Variants in TBC1D1 observed in about 807,000 individuals in gnomAD.
TBC1D1 encodes TBC1 domain family member 1.
A neutral mutation model predicts 125.6 loss-of-function variants in TBC1D1; 89 were observed. The ratio of observed to expected loss-of-function variants is 0.71; its 90% confidence interval spans 0.60 to 0.85. The LOEUF (loss-of-function observed/expected upper bound fraction) is 0.85. Among genes scored for constraint, TBC1D1 ranks in the 40% least tolerant of loss-of-function variants. TBC1D1 has a pLI of 0.00. For synonymous variants in TBC1D1, 565 were observed against 564.1 expected (o/e 1.00, Z -0.02); for missense variants, 1,377 against 1,469.2 (o/e 0.94, Z 1.03).
chr4:38,054,100 T>G (rs1225243773), intron 11 of TBC1D1, 99 bp from the exon 14 acceptor site: 8 of 1,265,662 alleles, frequency 6.3e-6, no homozygotes, highest in Non-Finnish European at 7.9e-6. Context: ...TATACAAAGA[T>G]AGTTGATAAT....
At chr4:37,959,540 A>G (rs9968520) in intron 2 of TBC1D1, among the ~76,000 whole-genome samples, 95,564 of 152,044 alleles carry the variant, frequency 0.63, 30,888 homozygotes, top group East Asian at 0.96. Flanking sequence ...ATGCGACTCA[A>G]TCCTGTATTG....
chr4:38,052,211 CTT>C (rs1374568962), intron 11 of TBC1D1, among the ~76,000 whole-genome samples, 151 bp downstream of exon 12: 28 of 127,948 alleles, frequency 2.2e-4, no homozygotes, highest in Admixed American at 6.6e-4. Context: ...GCGTGTGTGT[CTT>C]TGTTTATATT....
chr4:38,110,430 T>A (rs957964442), intron 15 of TBC1D1: 1 of 985,364 alleles, frequency 1.0e-6, no homozygotes, highest in Non-Finnish European at 1.2e-6. Flanking sequence ...CCCCTCCAAG[T>A]GATAAAGAAG....
intron 1 of TBC1D1, among the ~76,000 whole-genome samples, chr4:37,893,223 A>T (rs955011889): frequency 6.6e-6 from 1 of 152,110 alleles, no homozygotes; most frequent in African/African-American, 2.4e-5. Flanking sequence ...CATGCTTTTA[A>T]TTTGATCTGA....
intron 12 of TBC1D1, among the ~76,000 whole-genome samples, chr4:38,083,761 A>C (rs1265713550): frequency 1.3e-5 from 2 of 152,090 alleles, no homozygotes; most frequent in Admixed American, 6.5e-5. Context: ...TGACCTTATA[A>C]ACGGCTGAAA....
intron 12 of TBC1D1, among the ~76,000 whole-genome samples, chr4:38,067,266 T>C (rs1753908558): frequency 6.6e-6 from 1 of 152,260 alleles, no homozygotes; most frequent in Non-Finnish European, 1.5e-5. Context: ...CTATGAATTT[T>C]ATACTTGAAA....
At chr4:38,085,433 T>A (rs1757323018) in intron 12 of TBC1D1, among the ~76,000 whole-genome samples, 1 of 152,212 alleles carries the variant, frequency 6.6e-6, no homozygotes, top group African/African-American at 2.4e-5. Context: ...TTGCCGACTT[T>A]ATAAATATGC....
chr4:37,966,555 G>A (rs1331968073), intron 2 of TBC1D1, among the ~76,000 whole-genome samples: 3 of 152,196 alleles, frequency 2.0e-5, no homozygotes, highest in African/African-American at 4.8e-5. Context: ...CTCTAGCTAC[G>A]CATAGAGACT....
chr4:38,058,195 C>T (rs191095396), intron 12 of TBC1D1, among the ~76,000 whole-genome samples: 356 of 152,348 alleles, frequency 2.3e-3, no homozygotes, highest in African/African-American at 7.7e-3. Context: ...TGATTTCTGT[C>T]TGAGAGGACA....
At chr4:37,903,537 C>G (rs58224367) in intron 2 of TBC1D1, among the ~76,000 whole-genome samples, 2,253 of 152,218 alleles carry the variant, frequency 0.015, 46 homozygotes, top group African/African-American at 0.051. Context: ...GTCAGTGAAG[C>G]CTTGAAAGCT....
chr4:38,117,120 G>A (rs1763108884), intron 16 of TBC1D1, among the ~76,000 whole-genome samples: 1 of 152,206 alleles, frequency 6.6e-6, no homozygotes, highest in African/African-American at 2.4e-5. Context: ...TTTTGGGGTG[G>A]TGCCTTTGGT....
intron 14 of TBC1D1, among the ~76,000 whole-genome samples, chr4:38,098,074 G>A (rs1408111919): frequency 6.6e-6 from 1 of 152,218 alleles, no homozygotes; most frequent in East Asian, 1.9e-4. Context: ...GAAGACCGAA[G>A]TTCTGGATGG....
chr4:38,123,478 A>T (rs1764171737), intron 17 of TBC1D1, among the ~76,000 whole-genome samples: 1 of 152,216 alleles, frequency 6.6e-6, no homozygotes, highest in Non-Finnish European at 1.5e-5. Context: ...GATATTTCAG[A>T]GGAATATTCT....
In TBC1D1 at chr4:38,115,919, C is replaced by T. The variant is rs753906489; in HGVS notation, c.2767C>T (p.Arg923Trp). The T allele has an allele frequency of 1.4e-5, 23 of 1,614,014 alleles. No homozygotes were observed. Among genetic ancestry groups the T allele is most frequent in the Non-Finnish European group, 1.9e-5 (23 of 1,180,016 alleles). Residue 923 changes from arginine to tryptophan, a missense_variant, in exon 16 of 20, where the codon CGG (arginine) becomes TGG (tryptophan). Arg to Trp is a moderately radical substitution (Grantham distance 101). Around this residue, in one of 3 missense-constraint regions of TBC1D1, gnomAD observed 543 missense variants for 613.5 expected, o/e 0.89. Transcript: ENST00000261439. ...GTTTCTGATGTTTGACATGGGGCTG[C>T]GGAAACAGTATCGGCCAGACATGAT...
At chr4:37,910,284 C>T (rs1233402065) in intron 2 of TBC1D1, among the ~76,000 whole-genome samples, 1 of 152,154 alleles carries the variant, frequency 6.6e-6, no homozygotes, top group Non-Finnish European at 1.5e-5. Flanking sequence ...TAGGTCTTTA[C>T]TGTCCCGTAC....
At chr4:37,970,036 A>G (rs181256598) in intron 2 of TBC1D1, among the ~76,000 whole-genome samples, 3 of 152,356 alleles carry the variant, frequency 2.0e-5, no homozygotes, top group Non-Finnish European at 2.9e-5. Context: ...TTCAATTGGC[A>G]TAGTGCTTTC....
chr4:38,002,377 C>T (rs965297804), intron 2 of TBC1D1, among the ~76,000 whole-genome samples: 2 of 152,152 alleles, frequency 1.3e-5, no homozygotes, highest in Admixed American at 6.5e-5. Flanking sequence ...AAAGGAATTA[C>T]TCCCCGTGTT....
Position 38,103,291 on chromosome 4 carries a change from T to A in TBC1D1, c.2557+134T>A, listed in dbSNP as rs142260040. The A allele has an allele frequency of 5.5e-5, 48 of 876,326 alleles. No homozygotes were observed. In the African/African-American group the frequency reaches 6.1e-4, roughly 11 times the overall value. 54.3% of individuals were successfully genotyped at this position (876,326 alleles called of 1,614,324 possible). A position where few individuals can be genotyped will look rare whatever the true frequency, so the allele number is the denominator to read the frequency against. On this transcript the variant is annotated intron_variant, in intron 15 of 19. Coordinates refer to ENST00000261439, the MANE Select transcript of TBC1D1 (RefSeq NM_015173.4). ...AAATTTACTACTGAGACTTTTAATT[T>A]AAAAAGCCCTAGGGTAATCACAAAT...
At chr4:38,008,672 A>G (rs4832980) in intron 2 of TBC1D1, among the ~76,000 whole-genome samples, 105,662 of 152,054 alleles carry the variant, frequency 0.69, 37,163 homozygotes, top group East Asian at 0.79. Context: ...ACACCTGATC[A>G]CTCCTTGGCA....
Sources: gnomAD v4.1 joint callset for allele counts (sites outside exome capture counted in the v4.1 genomes callset) on GRCh38, gnomAD v4.1.1 for gene constraint, gnomAD v4.1.1 regional missense constraint, MANE v1.5 for transcripts, NCBI Gene and HGNC (gene_info 2026-07-23, HGNC 2026-07-21) for gene names.